KDELR1: variants seen among roughly 807,000 people sequenced by gnomAD.
The protein encoded by KDELR1 is ER lumen protein-retaining receptor 1.
Under a neutral mutation model 25.5 loss-of-function variants are expected in KDELR1, and 16 were observed. The ratio of observed to expected loss-of-function variants is 0.63; its 90% confidence interval spans 0.43 to 0.95. KDELR1 has a LOEUF of 0.95. Ranked by LOEUF, KDELR1 falls within the 40% of genes least tolerant of loss-of-function variation. The pLI is 0.00. For missense variants in KDELR1, 159 were observed against 265.2 expected (o/e 0.60, Z 2.78); for synonymous variants, 121 against 115.0 (o/e 1.05, Z -0.33).
chr19:48,394,422 CCAGA>C (rs1158718308), upstream of KDELR1, among the ~76,000 whole-genome samples: 4 of 144,130 alleles, frequency 2.8e-5, no homozygotes, highest in Non-Finnish European at 4.5e-5. The surrounding 1 kb of genome is among the most constrained non-coding windows in gnomAD (Gnocchi z 5.1). Flanking sequence ...CAGAGGTGAC[CCAGA>C]CAGACAGATA....
rs545312495 is a variant in KDELR1, at chr19:48,391,489, G to A, written c.-131C>T. The A allele has an allele frequency of 5.8e-6, 4 of 685,904 alleles. No individual in the cohort carries two copies. The highest frequency in any genetic ancestry group is 1.0e-5 in the Non-Finnish European group (4 of 398,884). 42.5% of individuals were successfully genotyped at this position (685,904 alleles called of 1,614,324 possible). A position where few individuals can be genotyped will look rare whatever the true frequency, so the allele number is the denominator to read the frequency against. ...AGGGACCCTAGGTGCGCTCCGCTCC[G>A]GGGAGGGGACTTTGGGAGGGGGAGC... On this transcript the variant is annotated 5_prime_UTR_variant, in exon 1 of 5. Transcript: ENST00000330720.
At chr19:48,395,956 G>C (rs950717639), upstream of KDELR1, among the ~76,000 whole-genome samples, 2 of 151,922 alleles carry the variant, frequency 1.3e-5, no homozygotes, top group African/African-American at 4.8e-5. Flanking sequence ...GAAAGAACAG[G>C]ACCGAATGCC....
chr19:48,395,912 TG>T (rs1001594456), upstream of KDELR1, among the ~76,000 whole-genome samples: 2 of 151,626 alleles, frequency 1.3e-5, no homozygotes, highest in African/African-American at 4.8e-5. Context: ...TCCAGAGTCT[TG>T]GGGCAGGAGG....
At position 48,384,354 on chromosome 19, in the gene KDELR1, C is replaced by G. The variant is rs142773187; in HGVS notation, c.480G>C (p.Thr160=). ...HYLFALGVYR[T]LYLFNWIWRY... is the part of the protein sequence containing the mutation. The stretch of plus-strand genomic sequence containing the variant: ...GCCAGATCCAGTTGAAGAGATAGAG[C>G]GTGCGGTAAACGCCTAGCGCAAACA... Residue 160 remains threonine, a synonymous_variant, in exon 4 of 5, where the codon ACG becomes ACC. Transcript: ENST00000330720. This position sits in a 1 kb window ranked among gnomAD's most constrained non-coding sequence, Gnocchi z 4.6. 1 of 1,614,206 alleles carries G rather than the reference C, an allele frequency of 6.2e-7. No individual in the cohort carries two copies.
chr19:48,387,410 C>T (rs547901939), intron 3 of KDELR1, among the ~76,000 whole-genome samples: 1 of 151,516 alleles, frequency 6.6e-6, no homozygotes, highest in African/African-American at 2.4e-5. Flanking sequence ...AGGCCAGGCA[C>T]GGTGGCTCAT....
At chr19:48,387,348 C>T (rs886718890) in intron 3 of KDELR1, among the ~76,000 whole-genome samples, 1 of 152,030 alleles carries the variant, frequency 6.6e-6, no homozygotes, top group African/African-American at 2.4e-5. Context: ...GCCAAAGTCA[C>T]CCTCTGTTGG....
rs1970476181 is a variant in KDELR1 at position 48,384,070 on chromosome 19, C to A, written c.604+160G>T. The stretch of plus-strand genomic sequence containing the variant: ...CCTTAGGGAGGCAGAGGCTAACGGT[C>A]TGAATTCCTAGGAGGATGGTAGGCC... On this transcript the variant is annotated intron_variant, in intron 4 of 4. Coordinates refer to ENST00000330720, the MANE Select transcript of KDELR1 (RefSeq NM_006801.3). The surrounding 1 kb of genome is among the most constrained non-coding windows in gnomAD (Gnocchi z 4.6). Among the ~76,000 whole-genome samples, 1 of 152,140 alleles carries A rather than the reference C, an allele frequency of 6.6e-6. No homozygotes were observed. Among genetic ancestry groups the A allele is most frequent in the Admixed American group, 6.5e-5 (1 of 15,274 alleles).
intron 4 of KDELR1, 82 bp from the exon 5 acceptor site, chr19:48,383,409 AG>A: frequency 7.8e-7 from 1 of 1,287,286 alleles, no homozygotes; most frequent in South Asian, 1.3e-5. Context: ...AGAGCAGGGC[AG>A]GCACGCTAGA....
At chr19:48,394,531 G>A (rs1970610939), upstream of KDELR1, among the ~76,000 whole-genome samples, 1 of 149,972 alleles carries the variant, frequency 6.7e-6, no homozygotes, top group Non-Finnish European at 1.5e-5. The surrounding 1 kb of genome is among the most constrained non-coding windows in gnomAD (Gnocchi z 5.1). Flanking sequence ...CATGGAAAGG[G>A]GGGAGGAGCC....
At chr19:48,390,555 G>GAGAC in intron 1 of KDELR1, 31 bp from the exon 2 acceptor site, 1 of 1,305,060 alleles carries the variant, frequency 7.7e-7, no homozygotes, top group Non-Finnish European at 1.1e-6. Flanking sequence ...AAGAGAGAGA[G>GAGAC]AGAGAGACAG....
In KDELR1 at chr19:48,383,353, C is replaced by T. The variant is rs374063360; in HGVS notation, c.605-26G>A. On this transcript the variant is annotated intron_variant, in intron 4 of 4. Transcript: ENST00000330720. ...CTGTGAGGAGAGAAAACAGGGAGGG[C>T]ATTACCGCTGGGGCCCCTGCAGGGA... is the stretch of plus-strand genomic sequence containing the variant. 26 of 1,550,962 alleles carry T rather than the reference C, an allele frequency of 1.7e-5. No homozygotes were observed. In the African/African-American group the frequency reaches 3.1e-4, roughly 19 times the overall value.
At chr19:48,390,258 C>T in intron 2 of KDELR1, 166 bp downstream of exon 2, 1 of 558,366 alleles carries the variant, frequency 1.8e-6, no homozygotes, top group Non-Finnish European at 3.2e-6. Flanking sequence ...GTCCAGGCCT[C>T]AGTCCCTTCT....
At chr19:48,396,362 G>T (rs773698326), upstream of KDELR1, among the ~76,000 whole-genome samples, 2 of 152,082 alleles carry the variant, frequency 1.3e-5, no homozygotes, top group Non-Finnish European at 2.9e-5. Context: ...TGAGAAGGGT[G>T]GGGCCGGGGG....
At chr19:48,391,052 G>C (rs190017024) in intron 1 of KDELR1, among the ~76,000 whole-genome samples, 2 of 152,248 alleles carry the variant, frequency 1.3e-5, no homozygotes, top group East Asian at 3.9e-4. Context: ...CTGAATTGGG[G>C]GCCTAAAGCC....
chr19:48,391,284 C>A lies in KDELR1; in HGVS notation c.75G>T (p.Lys25Asn), dbSNP rs746934459. 4.5e-6 allele frequency: 7 copies of A among 1,556,704 alleles called. No homozygotes were observed. The highest frequency in any genetic ancestry group is 6.1e-6 in the Non-Finnish European group (7 of 1,149,892). The change falls in exon 1 of 5, where the codon AAG becomes AAT. Residue 25 changes from lysine to asparagine, a missense_variant. Transcript: ENST00000330720. ...AIILLLLKIW[K>N]SRSCAGISGK... ...GCCTCTCACCGGCGCACGAGCGGGA[C>A]TTCCAGATTTTGAGCAGTAGCAAGA...
At chr19:48,394,475 C>T (rs1970609411), upstream of KDELR1, among the ~76,000 whole-genome samples, 3 of 145,620 alleles carry the variant, frequency 2.1e-5, no homozygotes, top group Non-Finnish European at 4.5e-5. The surrounding 1 kb of genome is among the most constrained non-coding windows in gnomAD (Gnocchi z 5.1). Context: ...GGGCTGAGGG[C>T]ACAAAGCGGG....
At position 48,384,482 on chromosome 19, in the gene KDELR1, T is replaced by C. The variant is rs760429660; in HGVS notation, c.352A>G (p.Ile118Val). Reference protein sequence around the residue: ...LVNHDFTPLEILWTFSIYLES... With the variant: ...LVNHDFTPLEVLWTFSIYLES... ...AGGTAGATGGAGAAGGTCCAGAGGA[T>C]CTGCAGAGAGGCCGGGGACATGATG... The change falls in exon 4 of 5, where the codon ATC (isoleucine) becomes GTC (valine). Residue 118 changes from isoleucine to valine, a missense_variant and splice_region_variant. Transcript: ENST00000330720. The surrounding 1 kb of genome is among the most constrained non-coding windows in gnomAD (Gnocchi z 4.6). The C allele has an allele frequency of 4.3e-6, 7 of 1,611,922 alleles. No individual in the cohort carries two copies. Among genetic ancestry groups the C allele is most frequent in the Non-Finnish European group, 5.9e-6 (7 of 1,179,026 alleles).
At chr19:48,393,741 C>T (rs572863214), upstream of KDELR1, among the ~76,000 whole-genome samples, 5 of 152,184 alleles carry the variant, frequency 3.3e-5, no homozygotes, top group South Asian at 6.2e-4. The surrounding 1 kb of genome is among the most constrained non-coding windows in gnomAD (Gnocchi z 5.6). Context: ...CTCCAAGCCG[C>T]GGCCGCCGCC....
At chr19:48,394,254 G>A (rs1372395655), upstream of KDELR1, among the ~76,000 whole-genome samples, 2 of 151,934 alleles carry the variant, frequency 1.3e-5, no homozygotes, top group Admixed American at 1.3e-4. The surrounding 1 kb of genome is among the most constrained non-coding windows in gnomAD (Gnocchi z 5.1). Context: ...AGGGAAGTGA[G>A]ATCGTGCGTG....
Sources: allele counts gnomAD v4.1 joint callset (sites outside exome capture counted in the v4.1 genomes callset), GRCh38; gene constraint gnomAD v4.1.1; non-coding constraint Gnocchi (gnomAD v3.1); transcripts MANE v1.5; gene names NCBI Gene and HGNC (gene_info 2026-07-23, HGNC 2026-07-21).